Variants in SEMA3A observed in about 807,000 individuals in gnomAD.
SEMA3A encodes semaphorin 3A, also known as semaphorin-3A.
Under a neutral mutation model 97.9 loss-of-function variants are expected in SEMA3A, and 29 were observed. The observed-to-expected ratio is 0.30, with a 90% CI of 0.22 to 0.40. The LOEUF (loss-of-function observed/expected upper bound fraction) is 0.40, where lower values mean the gene tolerates loss of function less well. Among genes scored for constraint, SEMA3A ranks in the 10% least tolerant of loss-of-function variants. The pLI is 1.00. For missense variants in SEMA3A, 763 were observed against 951.3 expected, an observed-to-expected ratio of 0.80 and a Z score of 2.60; for synonymous variants, 321 against 323.7, an observed-to-expected ratio of 0.99 and a Z score of 0.09.
At chr7:84,429,001 T>A (rs1283258308) in intron 1 of SEMA3A, among the ~76,000 whole-genome samples, 1 of 152,028 alleles carries the variant, frequency 6.6e-6, no homozygotes, top group African/African-American at 2.4e-5. Flanking sequence ...GGACCTATGA[T>A]GAAGTTCAAG....
chr7:84,204,192 A>G (rs1270011377), intron 3 of SEMA3A, among the ~76,000 whole-genome samples: 1 of 152,174 alleles, frequency 6.6e-6, no homozygotes, highest in Non-Finnish European at 1.5e-5. Context: ...ATTAAGAACG[A>G]TGGCTGTGAA....
chr7:83,965,329 T>TA lies in SEMA3A; in HGVS notation c.1718-1983dup, dbSNP rs1788628254. ...GAATGAATTATATATGACATCAAAATATAGAAAAATCCACTGGATTTAGAA... is the reference window on the plus strand; with the variant it reads ...GAATGAATTATATATGACATCAAAATAATAGAAAAATCCACTGGATTTAGAA... On this transcript the variant is annotated intron_variant, in intron 15 of 16. Transcript: ENST00000265362. 2.6e-5 allele frequency among the ~76,000 whole-genome samples: 4 copies of TA among 151,576 alleles called. No individual in the cohort carries two copies. The South Asian group carries it at 8.3e-4, about 31-fold the overall frequency.
intron 2 of SEMA3A, among the ~76,000 whole-genome samples, chr7:84,333,127 T>C (rs998356622): frequency 6.6e-6 from 1 of 152,158 alleles, no homozygotes; most frequent in Non-Finnish European, 1.5e-5. Context: ...AAAATGACAA[T>C]TGTAACTTTG....
At chr7:84,262,283 T>C (rs812780) in intron 3 of SEMA3A, among the ~76,000 whole-genome samples, 107,749 of 152,000 alleles carry the variant, frequency 0.71, 38,411 homozygotes, top group East Asian at 0.79. Context: ...GGTACGAGCC[T>C]GGCTCATTGT....
At chr7:84,302,706 T>C (rs1801049173) in intron 3 of SEMA3A, among the ~76,000 whole-genome samples, 1 of 152,074 alleles carries the variant, frequency 6.6e-6, no homozygotes. Context: ...ATAATGGAAA[T>C]AATGGAAACT....
At chr7:84,042,711 T>A (rs1792179821) in intron 6 of SEMA3A, among the ~76,000 whole-genome samples, 1 of 152,080 alleles carries the variant, frequency 6.6e-6, no homozygotes, top group Non-Finnish European at 1.5e-5. Context: ...AGTGAAACCC[T>A]GCCTCATTCT....
intron 1 of SEMA3A, among the ~76,000 whole-genome samples, chr7:84,382,795 T>C (rs1384987418): frequency 1.3e-5 from 2 of 151,476 alleles, no homozygotes; most frequent in African/African-American, 2.4e-5. Context: ...GGAGAATTGC[T>C]TGAACCCAGG....
At chr7:84,418,257 C>T (rs1305708996) in intron 1 of SEMA3A, among the ~76,000 whole-genome samples, 2 of 152,076 alleles carry the variant, frequency 1.3e-5, no homozygotes, top group Non-Finnish European at 2.9e-5. Context: ...TGGAAGGCTT[C>T]ACAATGATGA....
intron 1 of SEMA3A, among the ~76,000 whole-genome samples, chr7:84,382,532 T>C (rs1803287791): frequency 6.6e-6 from 1 of 151,780 alleles, no homozygotes; most frequent in Non-Finnish European, 1.5e-5. Flanking sequence ...TTAGATCCTG[T>C]TTCAAATTCA....
chr7:84,328,455 C>A (rs1372182809), intron 2 of SEMA3A, among the ~76,000 whole-genome samples: 2 of 151,746 alleles, frequency 1.3e-5, no homozygotes, highest in African/African-American at 4.8e-5. Flanking sequence ...GGAAGAGAGA[C>A]AAAATAGACA....
chr7:84,113,508 C>G (rs918619634), intron 3 of SEMA3A, among the ~76,000 whole-genome samples: 1 of 152,122 alleles, frequency 6.6e-6, no homozygotes, highest in Non-Finnish European at 1.5e-5. Context: ...GTGTTTCTGA[C>G]CTTTTCTTGA....
At chr7:84,279,897 T>G (rs1317067351) in intron 3 of SEMA3A, among the ~76,000 whole-genome samples, 1 of 152,144 alleles carries the variant, frequency 6.6e-6, no homozygotes, top group Non-Finnish European at 1.5e-5. Flanking sequence ...TTTTTATTTT[T>G]ACGTATTTAT....
rs201748268 is a variant in SEMA3A, at chr7:84,136,960, A to AGAAGGAAGGAAGGAAG, written c.113-2025_113-2010dup. The stretch of plus-strand genomic sequence containing the variant: ...AGGGAGGGAGGGAAGGAGGGAGGGA[A>AGAAGGAAGGAAGGAAG]GAAGGAAGGAAGGAAGGAAGGAAGG... On this transcript the variant is annotated intron_variant, in intron 1 of 16. Transcript: ENST00000265362. 9.6e-3 allele frequency among the ~76,000 whole-genome samples: 1,360 copies of AGAAGGAAGGAAGGAAG among 141,158 alleles called. 31 individuals are homozygous for AGAAGGAAGGAAGGAAG. Among genetic ancestry groups the AGAAGGAAGGAAGGAAG allele is most frequent in the African/African-American group, 0.027 (1,007 of 36,722 alleles). The allele number at this position is 141,158 out of a possible 152,430, so 92.6% of individuals were successfully genotyped here.
chr7:84,356,265 C>A (rs1485421366), intron 2 of SEMA3A, among the ~76,000 whole-genome samples: 2 of 151,474 alleles, frequency 1.3e-5, no homozygotes, highest in African/African-American at 4.8e-5. Flanking sequence ...TTTTAATTTT[C>A]CCTTATTAAA....
intron 1 of SEMA3A, among the ~76,000 whole-genome samples, chr7:84,168,757 C>T (rs1251234900): frequency 1.3e-5 from 2 of 151,782 alleles, no homozygotes; most frequent in African/African-American, 4.8e-5. Flanking sequence ...TGAGAACTAA[C>T]TGACACCTCA....
At chr7:84,317,389 T>G (rs1208514924) in intron 2 of SEMA3A, among the ~76,000 whole-genome samples, 2 of 152,220 alleles carry the variant, frequency 1.3e-5, no homozygotes, top group Non-Finnish European at 2.9e-5. Flanking sequence ...GACAGCATAC[T>G]CTATCAAAAT....
chr7:84,323,944 C>A (rs1472573981), intron 2 of SEMA3A, among the ~76,000 whole-genome samples: 1 of 152,080 alleles, frequency 6.6e-6, no homozygotes, highest in Admixed American at 6.5e-5. Flanking sequence ...TCTGTTTATT[C>A]TCTTCTAGAG....
intron 1 of SEMA3A, among the ~76,000 whole-genome samples, chr7:84,136,214 C>T (rs139094040): frequency 5.5e-4 from 84 of 152,118 alleles, no homozygotes; most frequent in African/African-American, 1.9e-3. Flanking sequence ...ATGTGCCTTC[C>T]GAAGAGAGAA....
At chr7:84,219,717 T>C (rs1026674986) in intron 3 of SEMA3A, among the ~76,000 whole-genome samples, 1 of 152,242 alleles carries the variant, frequency 6.6e-6, no homozygotes, top group African/African-American at 2.4e-5. Context: ...ATCTGTTGTT[T>C]AGTGTAGTTA....
Sources: gnomAD v4.1 joint callset for allele counts (sites outside exome capture counted in the v4.1 genomes callset) on GRCh38, gnomAD v4.1.1 for gene constraint, MANE v1.5 for transcripts, NCBI Gene and HGNC (gene_info 2026-07-23, HGNC 2026-07-21) for gene names.